The following FLACC1 variants were observed in gnomAD, a reference collection of about 807,000 sequenced individuals.
FLACC1 encodes flagellum-associated coiled-coil domain-containing protein 1.
A neutral mutation model predicts 62.8 loss-of-function variants in FLACC1; 66 were observed. The observed-to-expected ratio is 1.05, with a 90% CI of 0.86 to 1.29. FLACC1 has a LOEUF of 1.29. Among genes scored for constraint, FLACC1 ranks in the 50% most tolerant of loss-of-function variants. FLACC1 has a pLI of 0.00. For missense variants in FLACC1, 452 were observed against 489.1 expected (o/e 0.92, Z 0.71); for synonymous variants, 156 against 161.0 (o/e 0.97, Z 0.24).
intron 4 of FLACC1, 63 bp downstream of exon 4, chr2:201,348,191 T>C: frequency 6.6e-7 from 1 of 1,518,898 alleles, no homozygotes; most frequent in Non-Finnish European, 9.0e-7. Context: ...AAAGGGCCCA[T>C]GCTTGCACAT....
At chr2:201,312,812 C>A (rs1950240506) in intron 9 of FLACC1, among the ~76,000 whole-genome samples, 1 of 152,164 alleles carries the variant, frequency 6.6e-6, no homozygotes, top group South Asian at 2.1e-4. Flanking sequence ...TTCAGGAAAG[C>A]CAAGAGAATC....
chr2:201,307,628 G>C lies in FLACC1; in HGVS notation c.776-6C>G, dbSNP rs1306262364. The C allele has an allele frequency of 1.9e-6, 3 of 1,586,650 alleles. No homozygotes were observed. The highest frequency in any genetic ancestry group is 2.6e-6 in the Non-Finnish European group (3 of 1,155,172). On this transcript the variant is annotated splice_polypyrimidine_tract_variant and splice_region_variant and intron_variant, in intron 10 of 14. Transcript: ENST00000392257. ...TTTTTTGGTCATCTTTTTTTCTGTG[G>C]AAGTGACAGGAAAGCACATATATGT...
intron 3 of FLACC1, 109 bp from the exon 4 acceptor site, chr2:201,348,411 A>C: frequency 8.7e-7 from 1 of 1,152,724 alleles, no homozygotes; most frequent in Non-Finnish European, 1.2e-6. Context: ...CTCTGACCTG[A>C]CCTTCTTAGG....
intron 7 of FLACC1, among the ~76,000 whole-genome samples, chr2:201,331,105 AAC>A (rs1238953219): frequency 6.6e-6 from 1 of 151,806 alleles, no homozygotes; most frequent in African/African-American, 2.4e-5. Flanking sequence ...AGTAGTTGGG[AAC>A]ACAGGCATGT....
At chr2:201,292,508 A>G (rs1157542659) in intron 12 of FLACC1, among the ~76,000 whole-genome samples, 1 of 152,238 alleles carries the variant, frequency 6.6e-6, no homozygotes, top group Non-Finnish European at 1.5e-5. Context: ...CCTGCCTTAA[A>G]AGAGCTCCTG....
intron 5 of FLACC1, among the ~76,000 whole-genome samples, chr2:201,345,076 C>A (rs773157595): frequency 3.9e-5 from 6 of 152,168 alleles, no homozygotes; most frequent in African/African-American, 7.2e-5. Context: ...CCAGGGAATA[C>A]AACAAGCACA....
At chr2:201,324,098 G>T (rs945922225) in intron 9 of FLACC1, among the ~76,000 whole-genome samples, 3 of 152,070 alleles carry the variant, frequency 2.0e-5, no homozygotes, top group African/African-American at 7.2e-5. Context: ...CCAAATATCT[G>T]CTGTCTTCAA....
chr2:201,327,116 C>T (rs755970385), intron 9 of FLACC1, among the ~76,000 whole-genome samples: 1 of 152,010 alleles, frequency 6.6e-6, no homozygotes, highest in Non-Finnish European at 1.5e-5. Context: ...AATGGGCAAG[C>T]CACATGTAGA....
rs370206837 is a variant in FLACC1, at chr2:201,333,673, C to T, written c.525-2840G>A. ...TGCAGTGTTTGGTTTTTTGTCCTTGCGATAGTTTGCTGAGAATGATGGTTT... is the reference window on the plus strand; with the variant it reads ...TGCAGTGTTTGGTTTTTTGTCCTTGTGATAGTTTGCTGAGAATGATGGTTT... On this transcript the variant is annotated intron_variant, in intron 7 of 14. Transcript: ENST00000392257. 1.6e-3 allele frequency among the ~76,000 whole-genome samples: 247 copies of T among 151,022 alleles called. 1 individual carries two copies. Among genetic ancestry groups the T allele is most frequent in the East Asian group, 5.9e-3 (30 of 5,100 alleles).
chr2:201,309,172 C>A lies in FLACC1; in HGVS notation c.754G>T (p.Glu252Ter), dbSNP rs928189313. 6 of 1,613,758 alleles carry A rather than the reference C, an allele frequency of 3.7e-6. No homozygotes were observed. The Admixed American group carries it at 6.7e-5, about 18-fold the overall frequency. ...TCACTTTGCTGTAGCAGGATATTTT[C>A]TCGCTCGAACTTCTCATCCTTCTTC... ...KWKKDEKFER[E>*]NILLQQKKKM... The change falls in exon 10 of 15, where the codon GAA becomes TAA. Residue 252 changes from glutamate to a stop codon, truncating the protein, a stop_gained. Transcript: ENST00000392257. LOFTEE classifies it high-confidence loss of function.
chr2:201,361,285 A>C (rs1011234298), upstream of FLACC1, among the ~76,000 whole-genome samples: 7 of 152,336 alleles, frequency 4.6e-5, no homozygotes, highest in Middle Eastern at 3.4e-3. Flanking sequence ...TTTGTGGGTG[A>C]TGCTGCTGCT....
intron 3 of FLACC1, 68 bp from the exon 4 acceptor site, chr2:201,348,370 A>G: frequency 3.9e-6 from 6 of 1,524,994 alleles, no homozygotes; most frequent in Non-Finnish European, 5.4e-6. Flanking sequence ...TAGGAGCTGA[A>G]CCCTGAGGCC....
chr2:201,312,856 T>C (rs1354485442), intron 9 of FLACC1, among the ~76,000 whole-genome samples: 1 of 152,148 alleles, frequency 6.6e-6, no homozygotes, highest in African/African-American at 2.4e-5. Context: ...ATTGCTCCCG[T>C]AGGACCCGGG....
intron 11 of FLACC1, among the ~76,000 whole-genome samples, chr2:201,301,529 T>A (rs891345498): frequency 6.6e-6 from 1 of 152,182 alleles, no homozygotes; most frequent in Non-Finnish European, 1.5e-5. Flanking sequence ...CCAGGAGAAC[T>A]TCCCCAACCT....
At chr2:201,292,303 G>A (rs1949754538) in intron 12 of FLACC1, among the ~76,000 whole-genome samples, 1 of 152,212 alleles carries the variant, frequency 6.6e-6, no homozygotes, top group Admixed American at 6.5e-5. Flanking sequence ...ACAAAGGGAA[G>A]CCCATCAGAC....
At chr2:201,338,162 C>G (rs1360014016) in intron 7 of FLACC1, among the ~76,000 whole-genome samples, 1 of 152,112 alleles carries the variant, frequency 6.6e-6, no homozygotes, top group Non-Finnish European at 1.5e-5. Context: ...TGCTTTGTAG[C>G]CAGTGTAAAT....
Position 201,357,279 on chromosome 2 carries a change from C to T in FLACC1, c.-345G>A, listed in dbSNP as rs1039224095. 7 of 152,222 alleles carry T rather than the reference C, an allele frequency of 4.6e-5. No homozygotes were observed. Among genetic ancestry groups the T allele is most frequent in the African/African-American group, 1.7e-4 (7 of 41,456 alleles). The allele number at this position is 152,222 out of a possible 1,614,324, so 9.4% of individuals were successfully genotyped here. ...AAACAGTTGAAGTTTCTCAGTATTG[C>T]AATGAAATTAAACTAGAGGAGAAGG... On this transcript the variant is annotated 5_prime_UTR_variant, in exon 1 of 15. Transcript: ENST00000392257.
chr2:201,344,043 G>A (rs949303142), intron 6 of FLACC1, 127 bp downstream of exon 6: 19 of 730,810 alleles, frequency 2.6e-5, no homozygotes, highest in Middle Eastern at 3.2e-4. Flanking sequence ...AATCTTTAGG[G>A]TCCTGTCACC....
rs1260067740 is a variant in FLACC1, at chr2:201,330,832, C to T, written c.526G>A (p.Glu176Lys). 3 of 1,612,048 alleles carry T rather than the reference C, an allele frequency of 1.9e-6. No individual in the cohort carries two copies. The African/African-American group carries it at 4.0e-5, about 22-fold the overall frequency. Reference sequence around the variant, plus strand: ...TCTGCTTCATGGGCCTCTTTGAGCTCCCTGTGGGACCCCAGGAGAAGGCCA... The same window carrying T: ...TCTGCTTCATGGGCCTCTTTGAGCTTCCTGTGGGACCCCAGGAGAAGGCCA... Reference protein sequence around the residue: ...MKQNFENKNRELKEAHEAELS... With the variant: ...MKQNFENKNRKLKEAHEAELS... The change falls in exon 8 of 15, where the codon GAG becomes AAG. Residue 176 changes from glutamate (E) to lysine (K), a missense_variant and splice_region_variant. Coordinates refer to ENST00000392257, the MANE Select transcript of FLACC1 (RefSeq NM_001127391.3).
Sources: allele counts gnomAD v4.1 joint callset (sites outside exome capture counted in the v4.1 genomes callset), GRCh38; gene constraint gnomAD v4.1.1; transcripts MANE v1.5; gene names NCBI Gene and HGNC (gene_info 2026-07-23, HGNC 2026-07-21).